PGCKA1: variants seen among roughly 807,000 people sequenced by gnomAD.
The protein encoded by PGCKA1 is PDCD10 and GCKIII kinases-associated protein 1.
At chr4:37,530,426 G>A in the PGCKA1 span, among the ~76,000 whole-genome samples, 51 of 151,730 alleles carry the variant, frequency 3.4e-4, no homozygotes, top group African/African-American at 1.2e-3. Context: ...ATATAAAAAT[G>A]AGCCATGCAT....
chr4:37,525,774 G>A, the PGCKA1 span, among the ~76,000 whole-genome samples: 5 of 152,156 alleles, frequency 3.3e-5, no homozygotes, highest in African/African-American at 1.2e-4. Flanking sequence ...TTCATACAGG[G>A]TCAGGGAAGC....
At chr4:37,514,601 C>T in the PGCKA1 span, among the ~76,000 whole-genome samples, 4 of 152,100 alleles carry the variant, frequency 2.6e-5, no homozygotes, top group African/African-American at 7.2e-5. Context: ...CATACACCCC[C>T]CACAGACTCC....
the PGCKA1 span, chr4:37,590,206 G>A: frequency 1.2e-6 from 2 of 1,614,116 alleles, no homozygotes; most frequent in African/African-American, 2.7e-5. Flanking sequence ...TGAAGTCTTG[G>A]TGCAGAAAAA....
the PGCKA1 span, among the ~76,000 whole-genome samples, chr4:37,547,783 T>C: frequency 1.3e-5 from 2 of 152,180 alleles, no homozygotes; most frequent in South Asian, 2.1e-4. Flanking sequence ...AAAGAGGCCA[T>C]CTATACCAAT....
the PGCKA1 span, among the ~76,000 whole-genome samples, chr4:37,531,282 AT>A: frequency 1.3e-5 from 2 of 152,096 alleles, no homozygotes; most frequent in African/African-American, 2.4e-5. Flanking sequence ...TGGTAAAGAC[AT>A]TTTTTTCCCA....
At chr4:37,590,719 C>T in the PGCKA1 span, 2 of 1,614,096 alleles carry the variant, frequency 1.2e-6, no homozygotes, top group East Asian at 2.2e-5. Flanking sequence ...GGGAATTCAG[C>T]CCCCAGTGGG....
At chr4:37,456,844 C>T in the PGCKA1 span, among the ~76,000 whole-genome samples, 14 of 152,162 alleles carry the variant, frequency 9.2e-5, no homozygotes, top group Admixed American at 8.5e-4. Context: ...AAGGCAGCTG[C>T]GGCAAAAATT....
chr4:37,536,362 C>A, the PGCKA1 span, among the ~76,000 whole-genome samples: 1 of 127,280 alleles, frequency 7.9e-6, no homozygotes, highest in African/African-American at 2.5e-5. Context: ...TATTTAGCAG[C>A]TTAAAACAAC....
the PGCKA1 span, among the ~76,000 whole-genome samples, chr4:37,510,673 C>T: frequency 6.6e-6 from 1 of 152,142 alleles, no homozygotes; most frequent in Non-Finnish European, 1.5e-5. Flanking sequence ...GCCAGCACAG[C>T]CCTGGTTCTC....
the PGCKA1 span, among the ~76,000 whole-genome samples, chr4:37,502,396 G>A: frequency 0.015 from 2,338 of 152,288 alleles, 62 homozygotes; most frequent in African/African-American, 0.052. Context: ...GTGTTAGCAC[G>A]TGGGTAGGGT....
At chr4:37,473,577 AT>A in the PGCKA1 span, among the ~76,000 whole-genome samples, 3 of 152,212 alleles carry the variant, frequency 2.0e-5, no homozygotes, top group East Asian at 3.8e-4. Flanking sequence ...AGGAAAATAC[AT>A]TTTTGGATTT....
At chr4:37,482,135 A>G in the PGCKA1 span, among the ~76,000 whole-genome samples, 1 of 152,204 alleles carries the variant, frequency 6.6e-6, no homozygotes, top group African/African-American at 2.4e-5. Context: ...ATAAACTAAT[A>G]CAGCAAATTG....
At chr4:37,465,627 C>T in the PGCKA1 span, among the ~76,000 whole-genome samples, 8 of 152,234 alleles carry the variant, frequency 5.3e-5, 1 homozygote, top group South Asian at 1.7e-3. Context: ...CCAACCTCAG[C>T]TAACCTGGTC....
the PGCKA1 span, among the ~76,000 whole-genome samples, chr4:37,465,234 C>CT: frequency 5.4e-4 from 80 of 146,956 alleles, no homozygotes; most frequent in Middle Eastern, 3.6e-3. Flanking sequence ...CCACAAAAAG[C>CT]TTTTTTTTTT....
At chr4:37,552,744 C>A in the PGCKA1 span, among the ~76,000 whole-genome samples, 11 of 152,098 alleles carry the variant, frequency 7.2e-5, no homozygotes, top group African/African-American at 2.4e-4. Context: ...TGTACCCAAC[C>A]CTTTTCATTT....
chr4:37,453,878 G>C, the PGCKA1 span: 2 of 152,294 alleles, frequency 1.3e-5, no homozygotes, highest in Non-Finnish European at 2.9e-5. Flanking sequence ...CCCGGGCCAC[G>C]TGACGCGCGG....
chr4:37,493,942 T>C, the PGCKA1 span, among the ~76,000 whole-genome samples: 1 of 152,216 alleles, frequency 6.6e-6, no homozygotes, highest in African/African-American at 2.4e-5. Flanking sequence ...TTTGTTATGT[T>C]TATGTACCAC....
the PGCKA1 span, among the ~76,000 whole-genome samples, chr4:37,526,752 A>G: frequency 6.6e-6 from 1 of 152,232 alleles, no homozygotes; most frequent in Non-Finnish European, 1.5e-5. Context: ...TATAGCACAT[A>G]CAATCATGTA....
chr4:37,564,445 G>C, the PGCKA1 span, among the ~76,000 whole-genome samples: 1 of 152,018 alleles, frequency 6.6e-6, no homozygotes, highest in Non-Finnish European at 1.5e-5. Context: ...CAGTACTTCT[G>C]GTAATGCAGC....
Sources: allele counts gnomAD v4.1 joint callset (sites outside exome capture counted in the v4.1 genomes callset), GRCh38; gene constraint gnomAD v4.1.1; transcripts MANE v1.5; gene names NCBI Gene and HGNC (gene_info 2026-07-23, HGNC 2026-07-21).